The following GSK3B variants were observed in gnomAD, a reference collection of about 807,000 sequenced individuals.
The protein encoded by GSK3B is glycogen synthase kinase-3 beta.
GSK3B carries 15 observed loss-of-function variants against 56.4 expected under a neutral mutation model. The observed-to-expected ratio is 0.27, with a 90% CI of 0.18 to 0.41. The LOEUF (loss-of-function observed/expected upper bound fraction) is 0.41, where lower values mean the gene tolerates loss of function less well. GSK3B is among the 10% of genes least tolerant of loss of function. GSK3B has a pLI of 1.00. For missense variants in GSK3B, 300 were observed against 513.4 expected (o/e 0.58, Z 4.02); for synonymous variants, 181 against 188.9 (o/e 0.96, Z 0.34).
intron 2 of GSK3B, among the ~76,000 whole-genome samples, chr3:119,966,959 T>C (rs556007946): frequency 4.6e-5 from 7 of 152,238 alleles, no homozygotes; most frequent in African/African-American, 1.7e-4. Flanking sequence ...AACTCTAAAA[T>C]CTCATAGAAA....
At chr3:119,911,223 T>C (rs148012134) in intron 6 of GSK3B, among the ~76,000 whole-genome samples, 237 of 152,298 alleles carry the variant, frequency 1.6e-3, no homozygotes, top group Middle Eastern at 3.4e-3. Flanking sequence ...GGGTGACCAG[T>C]TGCACTGTCC....
intron 3 of GSK3B, among the ~76,000 whole-genome samples, chr3:119,933,101 A>G (rs777055863): frequency 6.6e-6 from 1 of 152,186 alleles, no homozygotes; most frequent in Non-Finnish European, 1.5e-5. Context: ...AAAAACAAGA[A>G]AGGAAATATG....
At chr3:120,071,533 C>T (rs1350403151) in intron 1 of GSK3B, among the ~76,000 whole-genome samples, 7 of 152,230 alleles carry the variant, frequency 4.6e-5, no homozygotes, top group African/African-American at 1.4e-4. Context: ...CTCATAGGAG[C>T]GTGAACTCTA....
chr3:120,014,656 G>C lies in GSK3B; in HGVS notation c.89-12417C>G, dbSNP rs1298818696. Among the ~76,000 whole-genome samples the C allele has an allele frequency of 2.0e-5, 3 of 152,138 alleles. No individual in the cohort carries two copies. The East Asian group carries it at 5.8e-4, about 29-fold the overall frequency. ...CATGTGATAAAAATCTTTCTAACAAGGTCTTTTCCCTTAGATACCATTCAT... is the reference window on the plus strand; with the variant it reads ...CATGTGATAAAAATCTTTCTAACAACGTCTTTTCCCTTAGATACCATTCAT... On this transcript the variant is annotated intron_variant, in intron 1 of 10. Transcript: ENST00000264235.
intron 3 of GSK3B, among the ~76,000 whole-genome samples, chr3:119,945,815 G>A (rs2057094392): frequency 6.6e-6 from 1 of 151,756 alleles, no homozygotes. Context: ...GCAGTTTATG[G>A]AACAAATAAT....
In GSK3B at chr3:119,981,854, C is replaced by T. The variant is rs111257747; in HGVS notation, c.282+20192G>A. ...AAGAGAGCAGTGGTTCCTCCCAGCA[C>T]GGCATTTGAGCTCTGAGAACAGACA... is the stretch of plus-strand genomic sequence containing the variant. On this transcript the variant is annotated intron_variant, in intron 2 of 10. Transcript: ENST00000264235. Among the ~76,000 whole-genome samples the T allele has an allele frequency of 1.8e-3, 268 of 152,322 alleles. 1 individual carries two copies. Among genetic ancestry groups the T allele is most frequent in the African/African-American group, 6.2e-3 (257 of 41,560 alleles).
intron 4 of GSK3B, 47 bp from the exon 5 acceptor site, chr3:119,916,221 A>C: frequency 6.7e-7 from 1 of 1,491,376 alleles, no homozygotes; most frequent in Non-Finnish European, 9.3e-7. Flanking sequence ...ATTCTAAACA[A>C]ATCAGAATCC....
At chr3:120,063,615 C>T (rs1244574940) in intron 1 of GSK3B, among the ~76,000 whole-genome samples, 1 of 151,506 alleles carries the variant, frequency 6.6e-6, no homozygotes, top group African/African-American at 2.4e-5. Context: ...GTAATACCAG[C>T]TACTTGGGAG....
chr3:119,933,937 T>C (rs1264373180), intron 3 of GSK3B, among the ~76,000 whole-genome samples: 2 of 152,152 alleles, frequency 1.3e-5, no homozygotes, highest in African/African-American at 4.8e-5. Flanking sequence ...CAGGAGGTAG[T>C]TGACAGAACT....
intron 9 of GSK3B, among the ~76,000 whole-genome samples, chr3:119,849,494 C>A (rs143331246): frequency 1.6e-3 from 246 of 152,292 alleles, no homozygotes; most frequent in African/African-American, 5.6e-3. Context: ...TAAAAATAAT[C>A]TTTAAAATAA....
chr3:119,845,395 T>C (rs1156647047), intron 9 of GSK3B, among the ~76,000 whole-genome samples: 4 of 152,198 alleles, frequency 2.6e-5, no homozygotes, highest in Admixed American at 6.5e-5. Flanking sequence ...GCAGATGACA[T>C]GACTGTATAT....
chr3:120,044,263 G>A (rs1225656323), intron 1 of GSK3B, among the ~76,000 whole-genome samples: 2 of 152,130 alleles, frequency 1.3e-5, no homozygotes, highest in African/African-American at 4.8e-5. Flanking sequence ...TGTCTCTCAC[G>A]GAATGGGAAA....
intron 3 of GSK3B, among the ~76,000 whole-genome samples, chr3:119,928,261 G>A (rs1355229423): frequency 1.3e-5 from 2 of 152,148 alleles, no homozygotes; most frequent in African/African-American, 4.8e-5. Flanking sequence ...GGCTAAAAGA[G>A]ACCCAAATTT....
intron 7 of GSK3B, among the ~76,000 whole-genome samples, chr3:119,887,436 GGAGA>G (rs1371238088): frequency 6.6e-6 from 1 of 151,896 alleles, no homozygotes; most frequent in Non-Finnish European, 1.5e-5. Context: ...ATTATAACAA[GGAGA>G]GAAATAGAAG....
intron 1 of GSK3B, among the ~76,000 whole-genome samples, chr3:120,093,125 C>T (rs986686758): frequency 6.6e-6 from 1 of 152,114 alleles, no homozygotes; most frequent in Non-Finnish European, 1.5e-5. Context: ...ATCGAATCAT[C>T]CAAATAAATA....
Position 120,008,503 on chromosome 3 carries a change from A to G in GSK3B, c.89-6264T>C, listed in dbSNP as rs75971223. On this transcript the variant is annotated intron_variant, in intron 1 of 10. Transcript: ENST00000264235. The stretch of plus-strand genomic sequence containing the variant: ...TCCAAACAGCATGGTACTGGTACCA[A>G]AACAGATATATAGACCAAAGGGATA... 4.9e-3 allele frequency among the ~76,000 whole-genome samples: 743 copies of G among 152,318 alleles called. 3 individuals carry two copies. The highest frequency in any genetic ancestry group is 0.017 in the African/African-American group (699 of 41,570).
At chr3:119,943,336 A>G (rs1261428988) in intron 3 of GSK3B, among the ~76,000 whole-genome samples, 1 of 152,218 alleles carries the variant, frequency 6.6e-6, no homozygotes, top group Non-Finnish European at 1.5e-5. Flanking sequence ...AATTAAAAAT[A>G]ACAATGTGGG....
intron 10 of GSK3B, among the ~76,000 whole-genome samples, chr3:119,839,242 C>T (rs1173549528): frequency 1.3e-5 from 2 of 152,174 alleles, no homozygotes; most frequent in African/African-American, 4.8e-5. Context: ...TTTAATAAGA[C>T]TTAAATATCT....
intron 2 of GSK3B, among the ~76,000 whole-genome samples, chr3:119,964,860 G>A (rs1559855892): frequency 6.6e-6 from 1 of 152,022 alleles, no homozygotes; most frequent in African/African-American, 2.4e-5. Flanking sequence ...ATGGTAAGAT[G>A]AGCACACATA....
Sources: gnomAD v4.1 joint callset for allele counts (sites outside exome capture counted in the v4.1 genomes callset) on GRCh38, gnomAD v4.1.1 for gene constraint, MANE v1.5 for transcripts, NCBI Gene and HGNC (gene_info 2026-07-23, HGNC 2026-07-21) for gene names.